The following PIWIL2 variants were observed in gnomAD, a reference collection of about 807,000 sequenced individuals.
PIWIL2 encodes the protein piwi like RNA-mediated gene silencing 2.
A neutral mutation model predicts 116.5 loss-of-function variants in PIWIL2; 81 were observed. The ratio of observed to expected loss-of-function variants is 0.70; its 90% CI spans 0.58 to 0.84. The LOEUF is 0.84. Ranked by LOEUF, PIWIL2 falls within the 40% of genes least tolerant of loss-of-function variation. The pLI, the probability that PIWIL2 is intolerant of heterozygous loss-of-function variation, is 0.00. For missense variants in PIWIL2, 1,272 were observed against 1,212.3 expected, an observed-to-expected ratio of 1.05 and a Z score of -0.73; for synonymous variants, 489 against 429.5, an observed-to-expected ratio of 1.14 and a Z score of -1.71.
intron 10 of PIWIL2, among the ~76,000 whole-genome samples, chr8:22,298,584 A>T (rs1830969514): frequency 6.6e-6 from 1 of 152,208 alleles, no homozygotes; most frequent in South Asian, 2.1e-4. Flanking sequence ...GGGCCCAGTG[A>T]GTGGATTGTT....
intron 20 of PIWIL2, among the ~76,000 whole-genome samples, chr8:22,329,214 T>C (rs1169394806): frequency 6.6e-6 from 1 of 152,230 alleles, no homozygotes; most frequent in Non-Finnish European, 1.5e-5. Flanking sequence ...ATATTAACTT[T>C]TAACAGTCTT....
At chr8:22,352,410 TTTTACTGTATG>T (rs747213059) in intron 20 of PIWIL2, among the ~76,000 whole-genome samples, 100 of 152,368 alleles carry the variant, frequency 6.6e-4, no homozygotes, top group Non-Finnish European at 1.1e-3. Context: ...AGTAAAAATG[TTTTACTGTATG>T]TTTACTGTAT....
At chr8:22,291,168 TGA>T (rs1380489540) in intron 10 of PIWIL2, among the ~76,000 whole-genome samples, 2 of 151,250 alleles carry the variant, frequency 1.3e-5, no homozygotes, top group African/African-American at 4.9e-5. Context: ...TTTTTTTTTC[TGA>T]GAGAGAGTCT....
chr8:22,316,863 C>G (rs920490774), intron 19 of PIWIL2, among the ~76,000 whole-genome samples: 5 of 151,680 alleles, frequency 3.3e-5, no homozygotes, highest in Admixed American at 2.0e-4. Context: ...TCACAGCTCA[C>G]TGCAACCTCA....
At chr8:22,282,988 T>C (rs376316437) in intron 4 of PIWIL2, 46 bp from the exon 5 acceptor site, 2 of 1,395,784 alleles carry the variant, frequency 1.4e-6, no homozygotes, top group African/African-American at 2.8e-5. Flanking sequence ...GGATGGGACA[T>C]AGCTATTATA....
intron 20 of PIWIL2, among the ~76,000 whole-genome samples, chr8:22,327,917 A>G (rs909052598): frequency 6.6e-6 from 1 of 152,194 alleles, no homozygotes; most frequent in Non-Finnish European, 1.5e-5. Flanking sequence ...CACTTGCTTG[A>G]TAATGGTCTC....
At chr8:22,288,695 C>T (rs1319019347) in intron 8 of PIWIL2, 29 bp downstream of exon 8, 3 of 1,583,710 alleles carry the variant, frequency 1.9e-6, no homozygotes, top group African/African-American at 2.7e-5. Flanking sequence ...TTCTATTGTC[C>T]TGTAACTTCA....
chr8:22,354,495 T>A, intron 22 of PIWIL2, 117 bp downstream of exon 22: 1 of 587,086 alleles, frequency 1.7e-6, no homozygotes, highest in Non-Finnish European at 3.0e-6. Flanking sequence ...TTCATATCTT[T>A]GACAATTATG....
In PIWIL2 at chr8:22,281,178, C is replaced by G; in HGVS notation, c.257C>G (p.Thr86Ser). 6.2e-7 allele frequency: 1 copy of G among 1,612,458 alleles called. No individual in the cohort carries two copies. The highest frequency in any genetic ancestry group is 8.5e-7 in the Non-Finnish European group (1 of 1,179,110). Residue 86 changes from threonine (T) to serine (S), a missense_variant, in exon 3 of 23, where the codon ACC (threonine) becomes AGC (serine). Physicochemically the swap from Thr to Ser is moderately conservative, Grantham distance 58. Transcript: ENST00000356766. ...CTGGGCATTGAAACAGTTTCTAAGACCCCTCTGAAACGGGAAATGCTTCCA... is the reference window on the plus strand; with the variant it reads ...CTGGGCATTGAAACAGTTTCTAAGAGCCCTCTGAAACGGGAAATGCTTCCA... ...RGLGIETVSK[T>S]PLKREMLPSG... is the part of the protein sequence containing the mutation.
rs549244889 is a variant in PIWIL2 at position 22,355,245 on chromosome 8, G to C, written c.2766-104G>C. 46 of 1,063,358 alleles carry C rather than the reference G, an allele frequency of 4.3e-5. No individual in the cohort carries two copies. In the African/African-American group the frequency reaches 6.8e-4, roughly 16 times the overall value. 65.9% of individuals were successfully genotyped at this position (1,063,358 alleles called of 1,614,324 possible). Reference sequence around the variant, plus strand: ...TATTCCTCTGCTCCCCAGTTTTCAGGAAGGTGTGCTCTGTGTCATATCCCC... The same window carrying C: ...TATTCCTCTGCTCCCCAGTTTTCAGCAAGGTGTGCTCTGTGTCATATCCCC... On this transcript the variant is annotated intron_variant, in intron 22 of 22. Coordinates refer to ENST00000356766, the MANE Select transcript of PIWIL2 (RefSeq NM_018068.5).
chr8:22,312,765 T>C (rs981514405), intron 16 of PIWIL2, among the ~76,000 whole-genome samples: 1 of 152,088 alleles, frequency 6.6e-6, no homozygotes, highest in Non-Finnish European at 1.5e-5. Context: ...CTCAGCCTTC[T>C]GAGTAGCTGT....
chr8:22,305,926 G>A lies in PIWIL2; in HGVS notation c.1456-1G>A. On this transcript the variant is annotated splice_acceptor_variant, in intron 12 of 22. Transcript: ENST00000356766. LOFTEE classifies it high-confidence loss of function. ...TTTCCCTCTTCGTTCTCTCTTCAAAGCTGCTAAAAGGGGAAATCCTGCTGC... is the reference window on the plus strand; with the variant it reads ...TTTCCCTCTTCGTTCTCTCTTCAAAACTGCTAAAAGGGGAAATCCTGCTGC... 10 of 1,612,408 alleles carry A rather than the reference G, an allele frequency of 6.2e-6. No homozygotes were observed. The highest frequency in any genetic ancestry group is 8.5e-6 in the Non-Finnish European group (10 of 1,178,498).
Position 22,304,758 on chromosome 8 carries a change from T to G in PIWIL2, c.1371-26T>G, listed in dbSNP as rs75282394. 40,371 of 1,465,086 alleles carry G rather than the reference T, an allele frequency of 0.028. 666 individuals are homozygous for G. The highest frequency in any genetic ancestry group is 0.038 in the South Asian group (3,326 of 87,878). 90.8% of individuals were successfully genotyped at this position (1,465,086 alleles called of 1,614,324 possible). A position where few individuals can be genotyped will look rare whatever the true frequency, so the allele number is the denominator to read the frequency against. On this transcript the variant is annotated intron_variant, in intron 11 of 22. Coordinates refer to ENST00000356766, the MANE Select transcript of PIWIL2 (RefSeq NM_018068.5). ...AGAGTATTGATGCTGCTTCTGAAAT[T>G]TTTTCCTGCCTCTACTCTGCTCTAG...
chr8:22,300,024 C>T (rs1831008642), intron 10 of PIWIL2, among the ~76,000 whole-genome samples: 1 of 152,042 alleles, frequency 6.6e-6, no homozygotes, highest in African/African-American at 2.4e-5. Context: ...GCTGCAACCT[C>T]CATCTCCCGG....
chr8:22,333,104 G>A (rs796375578), intron 20 of PIWIL2, among the ~76,000 whole-genome samples: 12 of 152,160 alleles, frequency 7.9e-5, no homozygotes, highest in African/African-American at 2.7e-4. Flanking sequence ...ACTCATTTAC[G>A]TTACACTTTG....
chr8:22,311,910 C>A (rs536532505), intron 16 of PIWIL2, among the ~76,000 whole-genome samples: 2 of 152,144 alleles, frequency 1.3e-5, no homozygotes, highest in Admixed American at 1.3e-4. Context: ...CTGGTGAGTT[C>A]AATCCTAGAA....
At chr8:22,327,356 G>A (rs1410797075) in intron 20 of PIWIL2, among the ~76,000 whole-genome samples, 1 of 146,926 alleles carries the variant, frequency 6.8e-6, no homozygotes, top group Non-Finnish European at 1.5e-5. Flanking sequence ...TTTTTTGTGG[G>A]GTTTTTTGTT....
In PIWIL2 at chr8:22,304,208, A is replaced by C. The variant is rs778716179; in HGVS notation, c.1369A>C (p.Ser457Arg). 6.2e-7 allele frequency: 1 copy of C among 1,609,090 alleles called. No homozygotes were observed. Among genetic ancestry groups the C allele is most frequent in the East Asian group, 2.2e-5 (1 of 44,846 alleles). The change falls in exon 11 of 23, where the codon AGC becomes CGC. Residue 457 changes from serine (S) to arginine (R), a missense_variant and splice_region_variant. Coordinates refer to ENST00000356766, the MANE Select transcript of PIWIL2 (RefSeq NM_018068.5). ...AGAGATCACATTCTTGGAATACTAC[A>C]GGTAGCAAGAAGAGACTGGGTTTGG... ...GKEITFLEYY[S>R]KNYGITVKEE...
intron 20 of PIWIL2, among the ~76,000 whole-genome samples, chr8:22,344,740 A>G (rs1019885937): frequency 1.3e-5 from 2 of 152,132 alleles, no homozygotes; most frequent in Non-Finnish European, 2.9e-5. Flanking sequence ...TCTGGTCATG[A>G]TGGTACACAT....
Sources: gnomAD v4.1 joint callset for allele counts (sites outside exome capture counted in the v4.1 genomes callset) on GRCh38, gnomAD v4.1.1 for gene constraint, MANE v1.5 for transcripts, NCBI Gene and HGNC (gene_info 2026-07-23, HGNC 2026-07-21) for gene names.